The following FGF12 variants were observed in gnomAD, a reference collection of about 807,000 sequenced individuals.
FGF12 encodes fibroblast growth factor 12.
In FGF12, 14 loss-of-function variants were observed where a neutral mutation model predicts 23.6. The ratio of observed to expected loss-of-function variants is 0.59; its 90% CI spans 0.39 to 0.93. FGF12 has a LOEUF of 0.93. Among genes scored for constraint, FGF12 ranks in the 40% least tolerant of loss-of-function variants. FGF12 has a pLI of 0.00. For synonymous variants in FGF12, 62 were observed against 77.3 expected, an observed-to-expected ratio of 0.80 and a Z score of 1.04; for missense variants, 175 against 217.8, an observed-to-expected ratio of 0.80 and a Z score of 1.24.
intron 4 of FGF12, among the ~76,000 whole-genome samples, chr3:192,310,264 A>G (rs1715864534): frequency 1.3e-5 from 2 of 152,186 alleles, no homozygotes; most frequent in Admixed American, 1.3e-4. Context: ...AGAGTGGAAG[A>G]CACATGTTGC....
intron 3 of FGF12, among the ~76,000 whole-genome samples, chr3:192,356,077 A>T (rs914680790): frequency 6.6e-6 from 1 of 152,138 alleles, no homozygotes; most frequent in Non-Finnish European, 1.5e-5. Context: ...TTGGTGCCAC[A>T]TACTTATCTT....
intron 4 of FGF12, among the ~76,000 whole-genome samples, chr3:192,331,030 T>G (rs779853265): frequency 2.6e-5 from 4 of 151,656 alleles, no homozygotes; most frequent in Non-Finnish European, 5.9e-5. Flanking sequence ...ACAAAACAAC[T>G]CAATTAAAAA....
intron 4 of FGF12, among the ~76,000 whole-genome samples, chr3:192,205,336 A>G (rs1381700316): frequency 6.6e-6 from 1 of 152,180 alleles, no homozygotes; most frequent in East Asian, 1.9e-4. Flanking sequence ...AATACCGCCA[A>G]CTACCATACC....
At position 192,358,364 on chromosome 3, in the gene FGF12, A is replaced by ATTTATCTTAATAAAATATTAAGATAG. The variant is rs573395641; in HGVS notation, c.124+2038_124+2063dup. On this transcript the variant is annotated intron_variant, in intron 3 of 5. Transcript: ENST00000445105. ...AATGATTTTAAACACAATTTATTAA[A>ATTTATCTTAATAAAATATTAAGATAG]TTTATCTTAATAAAATATTAAGATA... Among the ~76,000 whole-genome samples, 607 of 152,138 alleles carry ATTTATCTTAATAAAATATTAAGATAG rather than the reference A, an allele frequency of 4.0e-3. 4 individuals carry two copies. The highest frequency in any genetic ancestry group is 0.013 in the African/African-American group (539 of 41,496).
rs114305997 is a variant in FGF12, at chr3:192,473,378, T to C, written c.14-112840A>G. On this transcript the variant is annotated intron_variant, in intron 2 of 5. Coordinates refer to ENST00000445105, the MANE Select transcript of FGF12 (RefSeq NM_004113.6). Reference sequence around the variant, plus strand: ...ATTACTTGCCATCCCTTATCATGAGTTGATGGTTATTATGGGGTAACTAAA... The same window carrying C: ...ATTACTTGCCATCCCTTATCATGAGCTGATGGTTATTATGGGGTAACTAAA... 2.2e-3 allele frequency among the ~76,000 whole-genome samples: 330 copies of C among 152,236 alleles called. 1 individual carries two copies. The highest frequency in any genetic ancestry group is 7.4e-3 in the Admixed American group (113 of 15,294).
chr3:192,429,168 AGGAC>A (rs568029197), intron 2 of FGF12, among the ~76,000 whole-genome samples: 396 of 152,294 alleles, frequency 2.6e-3, no homozygotes, highest in Non-Finnish European at 4.4e-3. Context: ...ATGAGGGAAG[AGGAC>A]AGCATCAACT....
chr3:192,652,963 G>C (rs1262607029), intron 2 of FGF12, among the ~76,000 whole-genome samples: 2 of 152,208 alleles, frequency 1.3e-5, no homozygotes, highest in African/African-American at 2.4e-5. Context: ...GGAGACTTAA[G>C]CACCCATTGT....
At chr3:192,417,201 G>A (rs946885878) in intron 2 of FGF12, among the ~76,000 whole-genome samples, 1 of 152,000 alleles carries the variant, frequency 6.6e-6, no homozygotes, top group African/African-American at 2.4e-5. Flanking sequence ...ATTGCATTTT[G>A]ACAGTTCTTT....
At chr3:192,656,582 G>A (rs1437472035) in intron 2 of FGF12, among the ~76,000 whole-genome samples, 1 of 152,136 alleles carries the variant, frequency 6.6e-6, no homozygotes, top group Non-Finnish European at 1.5e-5. Flanking sequence ...GTAGAGGCCA[G>A]GGATGCTGTT....
At chr3:192,257,872 C>T (rs543011356) in intron 4 of FGF12, among the ~76,000 whole-genome samples, 67 of 151,982 alleles carry the variant, frequency 4.4e-4, no homozygotes, top group South Asian at 3.1e-3. Context: ...TTTTGAACTT[C>T]GGCTTGACTT....
intron 2 of FGF12, among the ~76,000 whole-genome samples, chr3:192,676,902 C>A (rs780029374): frequency 3.3e-5 from 5 of 152,306 alleles, no homozygotes; most frequent in Non-Finnish European, 7.4e-5. Context: ...AGACTTCCAG[C>A]CTCCAGAATG....
intron 2 of FGF12, among the ~76,000 whole-genome samples, chr3:192,477,547 T>C (rs1303346535): frequency 6.6e-6 from 1 of 152,218 alleles, no homozygotes; most frequent in Non-Finnish European, 1.5e-5. Flanking sequence ...TTCCCAATGA[T>C]TGTATAACTA....
At chr3:192,264,243 A>G (rs924572532) in intron 4 of FGF12, among the ~76,000 whole-genome samples, 2 of 152,126 alleles carry the variant, frequency 1.3e-5, no homozygotes, top group Non-Finnish European at 2.9e-5. Flanking sequence ...CACGATAACT[A>G]AATTGACCTA....
At chr3:192,188,834 GTAACCACCTAGA>G (rs1391579788) in intron 4 of FGF12, among the ~76,000 whole-genome samples, 15 of 152,292 alleles carry the variant, frequency 9.8e-5, no homozygotes, top group Non-Finnish European at 1.9e-4. Context: ...AAGAACGTGG[GTAACCACCTAGA>G]TATGATCCAC....
intron 4 of FGF12, among the ~76,000 whole-genome samples, chr3:192,243,563 CT>C (rs1719730034): frequency 1.3e-5 from 2 of 151,230 alleles, no homozygotes; most frequent in South Asian, 4.2e-4. Context: ...AGTAAATTCC[CT>C]TTACAGTATA....
chr3:192,338,711 C>T (rs1413773358), intron 3 of FGF12, among the ~76,000 whole-genome samples: 1 of 152,182 alleles, frequency 6.6e-6, no homozygotes, highest in Admixed American at 6.5e-5. Flanking sequence ...CATTCAATTA[C>T]CCAGGTCTGG....
chr3:192,150,652 T>C (rs1389199335), intron 5 of FGF12, among the ~76,000 whole-genome samples: 2 of 150,450 alleles, frequency 1.3e-5, no homozygotes, highest in Non-Finnish European at 3.0e-5. Flanking sequence ...TTCTGAGGGC[T>C]CTATTCTGTT....
At chr3:192,524,748 T>G (rs191638031) in intron 2 of FGF12, among the ~76,000 whole-genome samples, 6 of 152,342 alleles carry the variant, frequency 3.9e-5, no homozygotes, top group Admixed American at 3.9e-4. Context: ...TTGTGCATTA[T>G]TTTTCTATCC....
intron 4 of FGF12, among the ~76,000 whole-genome samples, chr3:192,236,464 G>A (rs980235681): frequency 2.1e-4 from 32 of 152,266 alleles, no homozygotes; most frequent in African/African-American, 7.2e-4. Context: ...GGGTGTTGAA[G>A]TCTGCCACTA....
Sources: gnomAD v4.1 joint callset for allele counts (sites outside exome capture counted in the v4.1 genomes callset) on GRCh38, gnomAD v4.1.1 for gene constraint, MANE v1.5 for transcripts, NCBI Gene and HGNC (gene_info 2026-07-23, HGNC 2026-07-21) for gene names.